The following FAM222B variants were observed in gnomAD, a reference collection of about 807,000 sequenced individuals.
The protein encoded by FAM222B is protein FAM222B.
A neutral mutation model predicts 38.0 loss-of-function variants in FAM222B; 12 were observed. The ratio of observed to expected loss-of-function variants is 0.32; its 90% CI spans 0.20 to 0.51. FAM222B has a LOEUF of 0.51. Among genes scored for constraint, FAM222B ranks in the 20% least tolerant of loss-of-function variants. The pLI, the probability that FAM222B is intolerant of heterozygous loss-of-function variation, is 0.97. For synonymous variants in FAM222B, 329 were observed against 317.2 expected, an observed-to-expected ratio of 1.04 and a Z score of -0.40; for missense variants, 716 against 754.2, an observed-to-expected ratio of 0.95 and a Z score of 0.59.
At chr17:28,839,105 G>A (rs945530761) in intron 1 of FAM222B, among the ~76,000 whole-genome samples, 1 of 152,022 alleles carries the variant, frequency 6.6e-6, no homozygotes, top group African/African-American at 2.4e-5. Context: ...TACTAGGGAG[G>A]CTGAGGCAGG....
intron 1 of FAM222B, among the ~76,000 whole-genome samples, chr17:28,839,115 G>A (rs554279229): frequency 1.3e-5 from 2 of 152,200 alleles, no homozygotes; most frequent in South Asian, 4.2e-4. Flanking sequence ...GCTGAGGCAG[G>A]AGAATGGCGA....
chr17:28,792,229 G>A (rs756928626), intron 1 of FAM222B, among the ~76,000 whole-genome samples: 4 of 151,018 alleles, frequency 2.6e-5, no homozygotes, highest in Admixed American at 2.0e-4. Context: ...AGAGAATGGC[G>A]TGAACCTGGG....
intron 1 of FAM222B, among the ~76,000 whole-genome samples, chr17:28,823,779 C>A (rs1185074526): frequency 6.6e-6 from 1 of 152,068 alleles, no homozygotes; most frequent in East Asian, 1.9e-4. Flanking sequence ...GCTCAGAATT[C>A]TCCTAGGAAT....
chr17:28,757,047 CT>C lies in FAM222B; in HGVS notation c.*1222del, dbSNP rs2034732893. 6.6e-6 allele frequency: 1 copy of C among 152,616 alleles called. No homozygotes were observed. The highest frequency in any genetic ancestry group is 2.1e-4 in the South Asian group (1 of 4,832). 9.5% of individuals were successfully genotyped at this position (152,616 alleles called of 1,614,324 possible). A position where few individuals can be genotyped will look rare whatever the true frequency, so the allele number is the denominator to read the frequency against. On this transcript the variant is annotated 3_prime_UTR_variant, in exon 3 of 3. Coordinates refer to ENST00000581407, the MANE Select transcript of FAM222B (RefSeq NM_001077498.3). ...AGTGTTTCTAGCCAACTAATTGTCG[CT>C]TGGGATGAGACGTGCTGAGCATGGA...
intron 1 of FAM222B, among the ~76,000 whole-genome samples, chr17:28,830,950 G>A (rs980094292): frequency 1.1e-4 from 16 of 151,182 alleles, no homozygotes; most frequent in Non-Finnish European, 2.1e-4. Flanking sequence ...TTTGCACCTC[G>A]GTCAAATATC....
At chr17:28,849,383 A>G (rs1389971137) in intron 1 of FAM222B, 1 of 152,134 alleles carries the variant, frequency 6.6e-6, no homozygotes, top group Non-Finnish European at 1.5e-5. Context: ...AAATCAGCAT[A>G]TCAACTTATT....
chr17:28,777,682 C>T (rs552489014), intron 1 of FAM222B, among the ~76,000 whole-genome samples: 13 of 152,084 alleles, frequency 8.5e-5, no homozygotes, highest in Non-Finnish European at 1.6e-4. Flanking sequence ...ATTTGTGGTA[C>T]ATGGATAATA....
intron 2 of FAM222B, among the ~76,000 whole-genome samples, chr17:28,763,242 C>T (rs1366716885): frequency 6.6e-6 from 1 of 152,174 alleles, no homozygotes; most frequent in Non-Finnish European, 1.5e-5. Flanking sequence ...GAATTCTGCT[C>T]TCCTACTTCA....
At chr17:28,769,446 G>A (rs1181324666) in intron 1 of FAM222B, among the ~76,000 whole-genome samples, 29 of 152,068 alleles carry the variant, frequency 1.9e-4, no homozygotes, top group Admixed American at 1.9e-3. Context: ...CTCCCAAAGT[G>A]CTGGGATTAC....
At chr17:28,830,743 T>C (rs774573295) in intron 1 of FAM222B, among the ~76,000 whole-genome samples, 1 of 151,662 alleles carries the variant, frequency 6.6e-6, no homozygotes, top group Non-Finnish European at 1.5e-5. Context: ...CCCAGCACTG[T>C]GGAAGGCTGA....
At chr17:28,781,975 G>A (rs1329065977) in intron 1 of FAM222B, among the ~76,000 whole-genome samples, 1 of 152,124 alleles carries the variant, frequency 6.6e-6, no homozygotes, top group Non-Finnish European at 1.5e-5. Context: ...TTGTTTACAG[G>A]CATGCCCCAT....
chr17:28,827,414 A>G (rs1344466858), intron 1 of FAM222B, among the ~76,000 whole-genome samples: 1 of 152,204 alleles, frequency 6.6e-6, no homozygotes, highest in East Asian at 1.9e-4. Flanking sequence ...AAAAGCTCAC[A>G]ATCCAGATGA....
chr17:28,792,655 C>T (rs2151876511), intron 1 of FAM222B, among the ~76,000 whole-genome samples: 1 of 151,980 alleles, frequency 6.6e-6, no homozygotes, highest in South Asian at 2.1e-4. Flanking sequence ...GTGGCATGTG[C>T]CTTTAATCCC....
At chr17:28,840,896 G>GGTT (rs910389616) in intron 1 of FAM222B, among the ~76,000 whole-genome samples, 32 of 152,054 alleles carry the variant, frequency 2.1e-4, no homozygotes, top group African/African-American at 7.5e-4. Context: ...AGGAGGCGGA[G>GGTT]GTTGCAGTGA....
chr17:28,839,979 A>G (rs1399331391), intron 1 of FAM222B, among the ~76,000 whole-genome samples: 2 of 151,812 alleles, frequency 1.3e-5, no homozygotes, highest in African/African-American at 2.4e-5. Flanking sequence ...CCAATCACTC[A>G]TCAATTGCCA....
At chr17:28,851,391 G>A (rs1345110185) in intron 1 of FAM222B, among the ~76,000 whole-genome samples, 4 of 151,720 alleles carry the variant, frequency 2.6e-5, no homozygotes, top group East Asian at 1.9e-4. Flanking sequence ...AAAATTAGCC[G>A]GGCGTGGTGG....
At chr17:28,795,430 G>C (rs544700432) in intron 1 of FAM222B, among the ~76,000 whole-genome samples, 1 of 152,014 alleles carries the variant, frequency 6.6e-6, no homozygotes, top group Non-Finnish European at 1.5e-5. Context: ...GTAAGCCACC[G>C]CACCCAGACT....
intron 1 of FAM222B, among the ~76,000 whole-genome samples, chr17:28,829,850 A>ATTTTTTTTTTTTTTTTT: frequency 6.8e-6 from 1 of 148,070 alleles, no homozygotes; most frequent in Non-Finnish European, 1.5e-5. Flanking sequence ...TTTTTTTTAA[A>ATTTTTTTTTTTTTTTTT]TTTTTTTTTT....
chr17:28,770,743 T>G (rs1363909680), intron 1 of FAM222B, among the ~76,000 whole-genome samples: 1 of 151,990 alleles, frequency 6.6e-6, no homozygotes, highest in Non-Finnish European at 1.5e-5. Context: ...GCTAATTTTT[T>G]GTATTTTTAG....
Sources: gnomAD v4.1 joint callset for allele counts (sites outside exome capture counted in the v4.1 genomes callset) on GRCh38, gnomAD v4.1.1 for gene constraint, MANE v1.5 for transcripts, NCBI Gene and HGNC (gene_info 2026-07-23, HGNC 2026-07-21) for gene names.